Variants in KLHL2 observed in about 807,000 individuals in gnomAD.
KLHL2 encodes kelch like family member 2.
Under a neutral mutation model 75.8 loss-of-function variants are expected in KLHL2, and 15 were observed. The ratio of observed to expected loss-of-function variants is 0.20; its 90% CI spans 0.13 to 0.30. The LOEUF (loss-of-function observed/expected upper bound fraction) is 0.30. KLHL2 is among the 10% of genes least tolerant of loss of function. The pLI is 1.00. For missense variants in KLHL2, 381 were observed against 741.0 expected, an observed-to-expected ratio of 0.51 and a Z score of 5.64; for synonymous variants, 214 against 251.9, an observed-to-expected ratio of 0.85 and a Z score of 1.42.
At chr4:165,321,922 A>G in intron 14 of KLHL2, 110 bp from the exon 15 acceptor site, 1 of 941,092 alleles carries the variant, frequency 1.1e-6, no homozygotes, top group African/African-American at 1.6e-5. Flanking sequence ...CTGAAACATG[A>G]TTTGTACAGT....
At chr4:165,255,389 G>C (rs1741080256) in intron 4 of KLHL2, among the ~76,000 whole-genome samples, 2 of 152,068 alleles carry the variant, frequency 1.3e-5, no homozygotes, top group African/African-American at 4.8e-5. Context: ...TTTTTTGTGG[G>C]GAGGGGGAGG....
intron 4 of KLHL2, among the ~76,000 whole-genome samples, chr4:165,245,706 G>C (rs1740208423): frequency 6.6e-6 from 1 of 152,146 alleles, no homozygotes; most frequent in Non-Finnish European, 1.5e-5. Flanking sequence ...GTCAGGATTA[G>C]TTTAGGACCG....
At chr4:165,310,793 C>A in intron 10 of KLHL2, 43 bp downstream of exon 10, 1 of 1,438,966 alleles carries the variant, frequency 6.9e-7, no homozygotes, top group Non-Finnish European at 9.8e-7. Flanking sequence ...CTAAAATTAA[C>A]GTAGTAGTCA....
intron 3 of KLHL2, among the ~76,000 whole-genome samples, chr4:165,236,422 G>T (rs994829299): frequency 1.8e-4 from 27 of 152,012 alleles, no homozygotes; most frequent in Non-Finnish European, 3.4e-4. Flanking sequence ...TTGCTGTGTT[G>T]CCCAGGCTAG....
At chr4:165,230,788 T>G (rs975414877) in intron 3 of KLHL2, among the ~76,000 whole-genome samples, 11 of 152,260 alleles carry the variant, frequency 7.2e-5, no homozygotes, top group African/African-American at 1.9e-4. Flanking sequence ...GTTTGCTTTA[T>G]AATCTAAACT....
At chr4:165,279,489 C>T (rs1431823697) in intron 5 of KLHL2, 6 of 1,578,740 alleles carry the variant, frequency 3.8e-6, no homozygotes, top group South Asian at 1.1e-5. Flanking sequence ...TCCTGTTCCA[C>T]CCATCCTTCT....
intron 5 of KLHL2, among the ~76,000 whole-genome samples, chr4:165,283,612 G>A (rs1257967440): frequency 6.6e-6 from 1 of 152,182 alleles, no homozygotes; most frequent in African/African-American, 2.4e-5. Flanking sequence ...GCCTTCAGGG[G>A]CTGGTGTTGA....
At chr4:165,302,317 G>T (rs1045860389) in intron 8 of KLHL2, among the ~76,000 whole-genome samples, 1 of 152,184 alleles carries the variant, frequency 6.6e-6, no homozygotes, top group African/African-American at 2.4e-5. Context: ...AGTCTAAGGA[G>T]TTGGGTAAGA....
intron 4 of KLHL2, chr4:165,252,559 A>G (rs1443566685): frequency 1.3e-5 from 2 of 152,268 alleles, no homozygotes; most frequent in East Asian, 3.8e-4. Flanking sequence ...AGGCTATATA[A>G]TTTATGAAAA....
chr4:165,271,584 TATC>T (rs1742698699), intron 5 of KLHL2, among the ~76,000 whole-genome samples: 1 of 152,206 alleles, frequency 6.6e-6, no homozygotes, highest in Non-Finnish European at 1.5e-5. Flanking sequence ...TATAAGATCA[TATC>T]ATCAGCAAAC....
chr4:165,236,258 CT>C (rs1427115935), intron 3 of KLHL2, among the ~76,000 whole-genome samples: 1 of 152,140 alleles, frequency 6.6e-6, no homozygotes, highest in African/African-American at 2.4e-5. Context: ...CTTCAGAGTT[CT>C]GATATAACCT....
chr4:165,223,121 C>T (rs1738141414), intron 2 of KLHL2, among the ~76,000 whole-genome samples: 1 of 152,208 alleles, frequency 6.6e-6, no homozygotes, highest in Non-Finnish European at 1.5e-5. Context: ...CTTTATATCC[C>T]AGCCTGGTAA....
chr4:165,212,657 G>C (rs1737268987), intron 1 of KLHL2, among the ~76,000 whole-genome samples: 1 of 152,164 alleles, frequency 6.6e-6, no homozygotes, highest in South Asian at 2.1e-4. Flanking sequence ...ACTTAGTCTT[G>C]TCAACAACCT....
chr4:165,279,417 G>A (rs751688033), intron 5 of KLHL2: 2 of 1,596,358 alleles, frequency 1.3e-6, no homozygotes, highest in Admixed American at 3.3e-5. Context: ...ATATTGAGCT[G>A]TCCAAGTTTC....
rs762914784 is a variant in KLHL2, at chr4:165,314,129, A to T, written c.1572A>T (p.Arg524Ser). The T allele has an allele frequency of 6.2e-7, 1 of 1,613,756 alleles. No homozygotes were observed. Among genetic ancestry groups the T allele is most frequent in the Non-Finnish European group, 8.5e-7 (1 of 1,179,738 alleles). Residue 524 changes from arginine to serine, a missense_variant, in exon 13 of 15, where the codon AGA becomes AGT. Arg to Ser is a moderately radical substitution (Grantham distance 110). Coordinates refer to ENST00000226725, the MANE Select transcript of KLHL2 (RefSeq NM_007246.4). ...ATGATCCCACCACTAACGCATGGAGACAGGTTGCAGATATGAACATGTGCA... is the reference window on the plus strand; with the variant it reads ...ATGATCCCACCACTAACGCATGGAGTCAGGTTGCAGATATGAACATGTGCA... ...EVYDPTTNAW[R>S]QVADMNMCRR...
chr4:165,305,745 G>C lies in KLHL2; in HGVS notation c.1039+20G>C. 2.0e-6 allele frequency: 3 copies of C among 1,488,038 alleles called. No homozygotes were observed. Among genetic ancestry groups the C allele is most frequent in the Non-Finnish European group, 2.8e-6 (3 of 1,064,884 alleles). The allele number at this position is 1,488,038 out of a possible 1,614,324, so 92.2% of individuals were successfully genotyped here. ...GGGCAGGTAAGCATGATGCATCATG[G>C]TCAATTCTCTACTCCTGGGTCATTG... On this transcript the variant is annotated intron_variant, in intron 9 of 14. Transcript: ENST00000226725.
At chr4:165,263,916 A>G (rs1174155023) in intron 5 of KLHL2, among the ~76,000 whole-genome samples, 2 of 150,578 alleles carry the variant, frequency 1.3e-5, no homozygotes, top group South Asian at 2.1e-4. Context: ...AAGTAGACCA[A>G]TAGAAGCAGC....
intron 11 of KLHL2, among the ~76,000 whole-genome samples, chr4:165,311,961 T>C (rs2126569320): frequency 6.6e-6 from 1 of 152,180 alleles, no homozygotes; most frequent in Admixed American, 6.5e-5. Context: ...AGACAATTTT[T>C]CCATGGACAG....
intron 11 of KLHL2, among the ~76,000 whole-genome samples, chr4:165,312,662 A>G (rs72997722): frequency 0.012 from 1,815 of 152,142 alleles, 33 homozygotes; most frequent in African/African-American, 0.041. Flanking sequence ...ATCTTACCCA[A>G]CCTTCAGCAA....
Sources: allele counts gnomAD v4.1 joint callset (sites outside exome capture counted in the v4.1 genomes callset), GRCh38; gene constraint gnomAD v4.1.1; transcripts MANE v1.5; gene names NCBI Gene and HGNC (gene_info 2026-07-23, HGNC 2026-07-21).